The following DPYD variants were observed in gnomAD, a reference collection of about 807,000 sequenced individuals.
DPYD encodes the protein dihydropyrimidine dehydrogenase [NADP(+)].
DPYD carries 109 observed loss-of-function variants against 116.2 expected under a neutral mutation model. The ratio of observed to expected loss-of-function variants is 0.94; its 90% confidence interval spans 0.80 to 1.10. DPYD has a LOEUF of 1.10. DPYD is among the 50% of genes least tolerant of loss of function. The pLI is 0.00. For missense variants in DPYD, 1,302 were observed against 1,254.5 expected, an observed-to-expected ratio of 1.04 and a Z score of -0.57; for synonymous variants, 440 against 432.0, an observed-to-expected ratio of 1.02 and a Z score of -0.23.
At chr1:97,755,785 T>C (rs1219635946) in intron 3 of DPYD, among the ~76,000 whole-genome samples, 1 of 152,198 alleles carries the variant, frequency 6.6e-6, no homozygotes, top group Non-Finnish European at 1.5e-5. Flanking sequence ...TTGCTAATTA[T>C]AGTCTAGACA....
At chr1:97,157,942 G>C (rs978908524) in intron 20 of DPYD, among the ~76,000 whole-genome samples, 1 of 152,036 alleles carries the variant, frequency 6.6e-6, no homozygotes, top group African/African-American at 2.4e-5. Context: ...TGCTGAATAG[G>C]TACTTCTATA....
Position 97,306,234 on chromosome 1 carries a change from C to T in DPYD, c.2122G>A (p.Ala708Thr), listed in dbSNP as rs1274384160. ...TCAGTGACATTTGGGGTCAGCTTGGCAAAAAAAGGAATCTGAACAGCTTGC... is the reference window on the plus strand; with the variant it reads ...TCAGTGACATTTGGGGTCAGCTTGGTAAAAAAAGGAATCTGAACAGCTTGC... ...VRQAVQIPFF[A>T]KLTPNVTDIV... The change falls in exon 17 of 23, where the codon GCC (alanine) becomes ACC (threonine). Residue 708 changes from alanine (A) to threonine (T), a missense_variant. Coordinates refer to ENST00000370192, the MANE Select transcript of DPYD (RefSeq NM_000110.4). The T allele has an allele frequency of 1.9e-6, 3 of 1,612,180 alleles. No homozygotes were observed. The highest frequency in any genetic ancestry group is 2.5e-6 in the Non-Finnish European group (3 of 1,178,894).
At chr1:97,360,068 T>C (rs558099545) in intron 16 of DPYD, among the ~76,000 whole-genome samples, 2 of 152,030 alleles carry the variant, frequency 1.3e-5, no homozygotes, top group South Asian at 4.1e-4. Context: ...CCATCTCACA[T>C]GCAAAGACAC....
At chr1:97,699,641 T>A in intron 5 of DPYD, 94 bp from the exon 6 acceptor site, 5 of 1,227,068 alleles carry the variant, frequency 4.1e-6, no homozygotes, top group Non-Finnish European at 4.8e-6. Flanking sequence ...TTGTTTTAAA[T>A]AGCAATGAGC....
At chr1:97,419,447 G>T (rs1674459234) in intron 14 of DPYD, among the ~76,000 whole-genome samples, 1 of 152,090 alleles carries the variant, frequency 6.6e-6, no homozygotes, top group South Asian at 2.1e-4. Flanking sequence ...AATACATTAT[G>T]ATTTTTGTTA....
chr1:97,579,917 A>G (rs543290596), intron 10 of DPYD, among the ~76,000 whole-genome samples: 2 of 152,334 alleles, frequency 1.3e-5, no homozygotes, highest in East Asian at 3.9e-4. Flanking sequence ...CTCCATATTC[A>G]GGAAAGATAT....
intron 20 of DPYD, among the ~76,000 whole-genome samples, chr1:97,137,608 T>C (rs1189082291): frequency 1.3e-5 from 2 of 152,222 alleles, no homozygotes; most frequent in African/African-American, 2.4e-5. Flanking sequence ...ATCAGTTTTT[T>C]CATAATGTGC....
chr1:97,082,257 C>A, intron 22 of DPYD, 73 bp downstream of exon 22: 1 of 1,595,284 alleles, frequency 6.3e-7, no homozygotes, highest in Non-Finnish European at 8.6e-7. Flanking sequence ...CACATAGCAA[C>A]AGAAAATGCT....
intron 3 of DPYD, among the ~76,000 whole-genome samples, chr1:97,787,844 A>G (rs976183107): frequency 1.3e-5 from 2 of 152,218 alleles, no homozygotes; most frequent in Non-Finnish European, 2.9e-5. Flanking sequence ...AACAACTTCA[A>G]CATAAAGATC....
chr1:97,427,175 C>A (rs866434902), intron 14 of DPYD, among the ~76,000 whole-genome samples: 1 of 151,910 alleles, frequency 6.6e-6, no homozygotes, highest in Non-Finnish European at 1.5e-5. Flanking sequence ...AAAGATTTAT[C>A]TTTTATTGTT....
At chr1:97,208,645 C>T (rs1481947777) in intron 19 of DPYD, among the ~76,000 whole-genome samples, 1 of 152,054 alleles carries the variant, frequency 6.6e-6, no homozygotes, top group Non-Finnish European at 1.5e-5. Flanking sequence ...TCAAAAACTA[C>T]CTACTAATTA....
intron 12 of DPYD, among the ~76,000 whole-genome samples, chr1:97,516,897 T>C (rs1321884188): frequency 6.6e-6 from 1 of 152,066 alleles, no homozygotes; most frequent in Non-Finnish European, 1.5e-5. Flanking sequence ...GGATGAATTT[T>C]CTCAGCCAAA....
At chr1:97,173,213 CACATATACGT>C (rs200114035) in intron 20 of DPYD, among the ~76,000 whole-genome samples, 3,484 of 141,722 alleles carry the variant, frequency 0.025, 123 homozygotes, top group African/African-American at 0.081. Flanking sequence ...TACATATATA[CACATATACGT>C]ACATATATGC....
At chr1:97,309,407 G>A (rs1667363163) in intron 16 of DPYD, among the ~76,000 whole-genome samples, 1 of 151,302 alleles carries the variant, frequency 6.6e-6, no homozygotes, top group African/African-American at 2.4e-5. Context: ...GCTATTCAAT[G>A]TGATCACCAA....
chr1:97,472,962 CTTTG>C (rs1408673203), intron 13 of DPYD, among the ~76,000 whole-genome samples: 4 of 152,138 alleles, frequency 2.6e-5, no homozygotes, highest in East Asian at 1.9e-4. Context: ...ACATAGTTGC[CTTTG>C]TTTTTTTGTG....
chr1:97,540,225 T>A (rs993332857), intron 12 of DPYD, among the ~76,000 whole-genome samples: 2 of 151,184 alleles, frequency 1.3e-5, no homozygotes, highest in African/African-American at 4.9e-5. Context: ...CCCCAGGTTA[T>A]TTTACCTGTG....
At chr1:97,773,910 T>C (rs1666268444) in intron 3 of DPYD, among the ~76,000 whole-genome samples, 1 of 152,156 alleles carries the variant, frequency 6.6e-6, no homozygotes, top group Non-Finnish European at 1.5e-5. Context: ...GAACCCAGGA[T>C]ACAGAAAGAA....
intron 1 of DPYD, among the ~76,000 whole-genome samples, chr1:97,885,560 A>C (rs1209266662): frequency 6.6e-6 from 1 of 152,062 alleles, no homozygotes; most frequent in African/African-American, 2.4e-5. Flanking sequence ...TCTGCATTTG[A>C]TTTAAAGTGG....
intron 12 of DPYD, among the ~76,000 whole-genome samples, chr1:97,534,456 G>A (rs1425974500): frequency 6.6e-6 from 1 of 152,036 alleles, no homozygotes; most frequent in African/African-American, 2.4e-5. Flanking sequence ...AAAGTAAGCT[G>A]GTTATTGAAA....
Sources: allele counts gnomAD v4.1 joint callset (sites outside exome capture counted in the v4.1 genomes callset), GRCh38; gene constraint gnomAD v4.1.1; transcripts MANE v1.5; gene names NCBI Gene and HGNC (gene_info 2026-07-23, HGNC 2026-07-21).